Variants in ACTR3C observed in about 807,000 individuals in gnomAD.
ACTR3C encodes actin-related protein 3C.
In ACTR3C, 18 loss-of-function variants were observed where a neutral mutation model predicts 26.3. That is an observed-to-expected ratio of 0.68 (90% CI 0.47 to 1.01). ACTR3C has a LOEUF of 1.01. Among genes scored for constraint, ACTR3C ranks in the 50% least tolerant of loss-of-function variants. The pLI is 0.00. For missense variants in ACTR3C, 184 were observed against 250.7 expected, an observed-to-expected ratio of 0.73 and a Z score of 1.80; for synonymous variants, 55 against 94.5, an observed-to-expected ratio of 0.58 and a Z score of 2.42.
the ACTR3C span, among the ~76,000 whole-genome samples, chr7:149,943,751 G>C: frequency 6.7e-6 from 1 of 149,888 alleles, no homozygotes; most frequent in Non-Finnish European, 1.5e-5. Context: ...TTGTATAAGC[G>C]GCAGGGAGTT....
the ACTR3C span, among the ~76,000 whole-genome samples, chr7:150,204,792 C>T: frequency 6.6e-6 from 1 of 151,782 alleles, no homozygotes; most frequent in Non-Finnish European, 1.5e-5. Context: ...GAGGAACAGG[C>T]CAGGGAGGAC....
the ACTR3C span, among the ~76,000 whole-genome samples, chr7:150,160,755 C>T: frequency 1.8e-4 from 27 of 151,962 alleles, 1 homozygote; most frequent in Admixed American, 1.8e-3. Flanking sequence ...CACTCTACCT[C>T]CTTCACCTGT....
At chr7:150,116,999 T>C in the ACTR3C span, among the ~76,000 whole-genome samples, 1 of 152,204 alleles carries the variant, frequency 6.6e-6, no homozygotes, top group African/African-American at 2.4e-5. Context: ...CTCCCTCCCC[T>C]GGCCAAGGGA....
chr7:149,937,787 C>G, the ACTR3C span, among the ~76,000 whole-genome samples: 10 of 152,238 alleles, frequency 6.6e-5, no homozygotes, highest in East Asian at 1.9e-3. Flanking sequence ...AGTGAATATG[C>G]AGGAAGGTTG....
At chr7:149,968,315 G>A in the ACTR3C span, among the ~76,000 whole-genome samples, 8 of 152,354 alleles carry the variant, frequency 5.3e-5, 1 homozygote, top group South Asian at 2.1e-4. Flanking sequence ...GGAGGCTGAG[G>A]CGGGTGGATC....
the ACTR3C span, among the ~76,000 whole-genome samples, chr7:150,033,771 T>A: frequency 6.3e-4 from 83 of 132,738 alleles, no homozygotes; most frequent in African/African-American, 2.2e-3. Context: ...TGCTTCCACC[T>A]CCTGCGATGG....
intron 6 of ACTR3C, among the ~76,000 whole-genome samples, chr7:150,259,553 A>G (rs989203435): frequency 1.3e-5 from 2 of 152,204 alleles, no homozygotes; most frequent in African/African-American, 4.8e-5. Context: ...TAACCTAGAG[A>G]GCTTTAGAAA....
the ACTR3C span, among the ~76,000 whole-genome samples, chr7:150,204,051 T>C: frequency 2.0e-5 from 3 of 150,272 alleles, no homozygotes; most frequent in African/African-American, 7.4e-5. Context: ...CCTCATCTTT[T>C]GGGTGGAGGA....
At chr7:150,292,742 C>A (rs552179189) in intron 3 of ACTR3C, among the ~76,000 whole-genome samples, 122 of 152,324 alleles carry the variant, frequency 8.0e-4, no homozygotes, top group African/African-American at 2.6e-3. Context: ...GGTGATCCGC[C>A]CGCCTTGGCC....
the ACTR3C span, among the ~76,000 whole-genome samples, chr7:149,919,512 T>G: frequency 1.3e-5 from 2 of 152,214 alleles, no homozygotes; most frequent in Admixed American, 6.5e-5. Flanking sequence ...AGTGCTGGGA[T>G]TACAGGCGTG....
At chr7:150,097,104 A>G in the ACTR3C span, among the ~76,000 whole-genome samples, 2 of 152,016 alleles carry the variant, frequency 1.3e-5, no homozygotes, top group Non-Finnish European at 2.9e-5. Flanking sequence ...GATTTTCATA[A>G]CATGATGCTG....
intron 1 of ACTR3C, among the ~76,000 whole-genome samples, chr7:150,309,699 G>C (rs1032344779): frequency 6.6e-6 from 1 of 152,164 alleles, no homozygotes; most frequent in African/African-American, 2.4e-5. Flanking sequence ...TGTCCCACCT[G>C]TGCGGGACCC....
chr7:150,022,281 C>T, the ACTR3C span, among the ~76,000 whole-genome samples: 1 of 151,428 alleles, frequency 6.6e-6, no homozygotes, highest in Non-Finnish European at 1.5e-5. Context: ...TTAAAATTTT[C>T]TATTCATGTC....
the ACTR3C span, among the ~76,000 whole-genome samples, chr7:150,129,368 T>A: frequency 6.6e-6 from 1 of 152,222 alleles, no homozygotes; most frequent in Non-Finnish European, 1.5e-5. Flanking sequence ...AGTCATCATT[T>A]TACTGGCAGT....
At chr7:149,908,402 A>C in the ACTR3C span, among the ~76,000 whole-genome samples, 1 of 152,104 alleles carries the variant, frequency 6.6e-6, no homozygotes, top group Admixed American at 6.5e-5. Context: ...GATCTAGAAA[A>C]TCACATTCAT....
the ACTR3C span, among the ~76,000 whole-genome samples, chr7:150,156,438 T>C: frequency 6.6e-6 from 1 of 152,110 alleles, no homozygotes; most frequent in East Asian, 1.9e-4. Flanking sequence ...ATGTTTAAAC[T>C]CTTGATGAAA....
At chr7:149,959,408 C>T in the ACTR3C span, among the ~76,000 whole-genome samples, 1 of 152,174 alleles carries the variant, frequency 6.6e-6, no homozygotes, top group Non-Finnish European at 1.5e-5. Context: ...CATTTTTCAA[C>T]CCCATACATG....
the ACTR3C span, among the ~76,000 whole-genome samples, chr7:150,145,330 A>G: frequency 5.6e-4 from 86 of 152,276 alleles, no homozygotes; most frequent in African/African-American, 2.0e-3. Context: ...ACCAATGGAG[A>G]AAAGCCACCA....
the ACTR3C span, among the ~76,000 whole-genome samples, chr7:150,037,596 C>T: frequency 6.4e-5 from 5 of 77,692 alleles, 1 homozygote; most frequent in East Asian, 3.8e-4. Flanking sequence ...GGGACTGGCT[C>T]TCAGTAATCC....
Sources: gnomAD v4.1 joint callset for allele counts (sites outside exome capture counted in the v4.1 genomes callset) on GRCh38, gnomAD v4.1.1 for gene constraint, MANE v1.5 for transcripts, NCBI Gene and HGNC (gene_info 2026-07-23, HGNC 2026-07-21) for gene names.